The following ROBO2 variants were observed in gnomAD, a reference collection of about 807,000 sequenced individuals.
The protein encoded by ROBO2 is roundabout homolog 2.
Under a neutral mutation model 160.8 loss-of-function variants are expected in ROBO2, and 53 were observed. The ratio of observed to expected loss-of-function variants is 0.33; its 90% CI spans 0.26 to 0.41. The LOEUF (loss-of-function observed/expected upper bound fraction) is 0.41. ROBO2 is among the 10% of genes least tolerant of loss of function. The pLI is 1.00. For synonymous variants in ROBO2, 664 were observed against 611.7 expected, an observed-to-expected ratio of 1.09 and a Z score of -1.26; for missense variants, 1,577 against 1,722.4, an observed-to-expected ratio of 0.92 and a Z score of 1.49.
At chr3:76,750,009 G>T (rs927448713) in intron 2 of ROBO2, among the ~76,000 whole-genome samples, 5 of 152,064 alleles carry the variant, frequency 3.3e-5, no homozygotes, top group African/African-American at 7.2e-5. Flanking sequence ...GAGAATTTTA[G>T]ACCAATATCC....
chr3:77,451,934 A>G (rs1003717372), intron 2 of ROBO2, among the ~76,000 whole-genome samples: 2 of 151,836 alleles, frequency 1.3e-5, no homozygotes, highest in African/African-American at 4.8e-5. Context: ...ACCATCCCAC[A>G]ACAGGCCCCA....
intron 2 of ROBO2, among the ~76,000 whole-genome samples, chr3:77,240,355 C>A (rs1580297470): frequency 6.6e-6 from 1 of 152,182 alleles, no homozygotes; most frequent in South Asian, 2.1e-4. Flanking sequence ...CTGCCCGGAG[C>A]CGTCAGTGCC....
chr3:76,455,419 C>A (rs908135863), intron 2 of ROBO2, among the ~76,000 whole-genome samples: 2 of 151,996 alleles, frequency 1.3e-5, no homozygotes, highest in Non-Finnish European at 2.9e-5. Flanking sequence ...TTATAATTTT[C>A]ATGCTCTTCA....
At chr3:77,261,540 G>A (rs554622215) in intron 2 of ROBO2, among the ~76,000 whole-genome samples, 9 of 152,040 alleles carry the variant, frequency 5.9e-5, no homozygotes, top group Non-Finnish European at 1.3e-4. Flanking sequence ...GAGAATCTGC[G>A]CTTTTATATA....
rs532653472 is a variant in ROBO2, at chr3:77,567,000, C to T, written c.1850-1313C>T. The stretch of plus-strand genomic sequence containing the variant: ...ATTATCAGCATCAAAACAGAACATA[C>T]ATATATAGGCATAGATTAATGTTAT... On this transcript the variant is annotated intron_variant, in intron 12 of 25. Coordinates refer to ENST00000461745, the Ensembl canonical transcript of ROBO2. Among the ~76,000 whole-genome samples the T allele has an allele frequency of 2.6e-5, 4 of 151,314 alleles. No individual in the cohort carries two copies. In the South Asian group the frequency reaches 8.3e-4, roughly 32 times the overall value.
At position 76,725,177 on chromosome 3, in the gene ROBO2, AT is replaced by A. The variant is rs1180410605; in HGVS notation, c.110-372827del. The stretch of plus-strand genomic sequence containing the variant: ...GAAGGCACTAAGGTAATGGCCAAGA[AT>A]TTTTTTTTTCAAATTTTCTACTCTT... On this transcript the variant is annotated intron_variant, in intron 2 of 26. Coordinates refer to the ROBO2 transcript ENST00000487694. Among the ~76,000 whole-genome samples, 393 of 150,830 alleles carry A rather than the reference AT, an allele frequency of 2.6e-3. 1 individual carries two copies. Among genetic ancestry groups the A allele is most frequent in the African/African-American group, 8.0e-3 (331 of 41,144 alleles).
chr3:77,113,424 G>A (rs2073877289), intron 2 of ROBO2, among the ~76,000 whole-genome samples: 2 of 152,164 alleles, frequency 1.3e-5, no homozygotes, highest in Admixed American at 6.5e-5. Context: ...TTTGGTTCTT[G>A]GGGATTGATG....
chr3:76,868,194 C>T (rs1377971436), intron 2 of ROBO2, among the ~76,000 whole-genome samples: 1 of 152,158 alleles, frequency 6.6e-6, no homozygotes, highest in Admixed American at 6.5e-5. Flanking sequence ...GGATTTTTCT[C>T]AGCAACCTCC....
intron 2 of ROBO2, among the ~76,000 whole-genome samples, chr3:76,414,490 A>T (rs2075656152): frequency 6.6e-6 from 1 of 151,714 alleles, no homozygotes; most frequent in South Asian, 2.1e-4. Flanking sequence ...ATTGGAAACC[A>T]TCATTCTCAG....
chr3:76,574,271 A>T (rs2085148324), intron 2 of ROBO2, among the ~76,000 whole-genome samples: 1 of 152,124 alleles, frequency 6.6e-6, no homozygotes, highest in Non-Finnish European at 1.5e-5. Flanking sequence ...TAAAATATAG[A>T]AAATAGAAAA....
intron 1 of ROBO2, among the ~76,000 whole-genome samples, chr3:77,095,348 C>A (rs1390991963): frequency 6.6e-6 from 1 of 151,952 alleles, no homozygotes; most frequent in African/African-American, 2.4e-5. Flanking sequence ...AATAGCTTAG[C>A]TATTTTTTCA....
intron 2 of ROBO2, among the ~76,000 whole-genome samples, chr3:77,242,644 TC>T (rs1182891481): frequency 6.6e-6 from 1 of 152,112 alleles, no homozygotes; most frequent in African/African-American, 2.4e-5. Flanking sequence ...AAAACAGATT[TC>T]TTGTTGAACT....
intron 2 of ROBO2, among the ~76,000 whole-genome samples, chr3:76,673,764 T>C (rs1428506997): frequency 1.3e-5 from 2 of 152,050 alleles, no homozygotes; most frequent in Non-Finnish European, 2.9e-5. Context: ...AATTCAAAGA[T>C]TTGTTAGTGC....
At chr3:76,662,269 C>T (rs1560328722) in intron 2 of ROBO2, among the ~76,000 whole-genome samples, 1 of 152,134 alleles carries the variant, frequency 6.6e-6, no homozygotes, top group East Asian at 1.9e-4. Context: ...TCTGAGGCCA[C>T]AGTTGTTCTT....
chr3:76,834,864 C>T (rs913503128), intron 2 of ROBO2, among the ~76,000 whole-genome samples: 1 of 152,024 alleles, frequency 6.6e-6, no homozygotes, highest in African/African-American at 2.4e-5. Context: ...TTGAGGCAAC[C>T]CAATTGTTTA....
Position 76,393,553 on chromosome 3 carries a change from G to A in ROBO2, c.109+455951G>A, listed in dbSNP as rs181334898. 2.2e-3 allele frequency among the ~76,000 whole-genome samples: 330 copies of A among 152,160 alleles called. 1 individual carries two copies. The highest frequency in any genetic ancestry group is 6.0e-3 in the South Asian group (29 of 4,824). ...GACCTACTTCTATATGAGTTCTTGC[G>A]TTTATTAGAAGTAAAACTCTGTAAA... On this transcript the variant is annotated intron_variant, in intron 2 of 26. Transcript: ENST00000487694.
exon 5 of ROBO2, chr3:77,493,376 G>A (rs759738962): frequency 3.1e-6 from 5 of 1,614,046 alleles, no homozygotes; most frequent in East Asian, 4.5e-5. Context: ...GACTTGCCAA[G>A]AGGAAGGTAA....
Position 77,229,509 on chromosome 3 carries a change from A to T in ROBO2, c.388+131169A>T, listed in dbSNP as rs112611779. On this transcript the variant is annotated intron_variant, in intron 2 of 25. Transcript: ENST00000461745. The stretch of plus-strand genomic sequence containing the variant: ...TTTATTCTACTAAAAATTAAAAAAA[A>T]ATATAGCCAGGTGTGGTGGTGGGCT... Among the ~76,000 whole-genome samples, 1,190 of 151,834 alleles carry T rather than the reference A, an allele frequency of 7.8e-3. 13 individuals carry two copies. The highest frequency in any genetic ancestry group is 0.025 in the African/African-American group (1,034 of 41,414).
At position 77,292,254 on chromosome 3, in the gene ROBO2, G is replaced by A. The variant is rs117270480; in HGVS notation, c.389-185160G>A. 1.8e-3 allele frequency among the ~76,000 whole-genome samples: 272 copies of A among 151,678 alleles called. 10 individuals are homozygous for A. The East Asian group carries it at 0.049, about 27-fold the overall frequency. On this transcript the variant is annotated intron_variant, in intron 2 of 25. Transcript: ENST00000461745. ...ACCCCAGATGTAAAGCAAAATTGAC[G>A]GCCAAACGGGTAAGCTGAGGCTAGA... is the stretch of plus-strand genomic sequence containing the variant.
Sources: gnomAD v4.1 joint callset for allele counts (sites outside exome capture counted in the v4.1 genomes callset) on GRCh38, gnomAD v4.1.1 for gene constraint, MANE v1.5 for transcripts, NCBI Gene and HGNC (gene_info 2026-07-23, HGNC 2026-07-21) for gene names.